KSR2: variants seen among roughly 807,000 people sequenced by gnomAD.
KSR2 encodes the protein kinase suppressor of ras 2.
Under a neutral mutation model 107.8 loss-of-function variants are expected in KSR2, and 25 were observed. That is an observed-to-expected ratio of 0.23 (90% CI 0.17 to 0.32). The LOEUF (loss-of-function observed/expected upper bound fraction) is 0.32. Ranked by LOEUF, KSR2 falls within the 10% of genes least tolerant of loss-of-function variation. The probability of loss-of-function intolerance (pLI) is 1.00; values close to 1 mark genes in which losing one functional copy is unlikely to be tolerated. For synonymous variants in KSR2, 480 were observed against 507.0 expected (o/e 0.95, Z 0.71); for missense variants, 887 against 1,268.9 (o/e 0.70, Z 4.57).
In KSR2 at chr12:117,930,869, G is replaced by T. The variant is rs1895676099; in HGVS notation, c.180+37207C>A. On this transcript the variant is annotated intron_variant, in intron 1 of 19. Transcript: ENST00000339824. Reference sequence around the variant, plus strand: ...GTGGAGGTTGCAGTGAGCCAAGATTGCACCACCGCACTCCAGCCTGGGCAA... The same window carrying T: ...GTGGAGGTTGCAGTGAGCCAAGATTTCACCACCGCACTCCAGCCTGGGCAA... 1.3e-5 allele frequency among the ~76,000 whole-genome samples: 2 copies of T among 152,090 alleles called. 1 individual carries two copies. Among genetic ancestry groups the T allele is most frequent in the African/African-American group, 4.8e-5 (2 of 41,428 alleles).
chr12:117,607,881 A>C (rs1010877866), intron 5 of KSR2, among the ~76,000 whole-genome samples: 6 of 152,198 alleles, frequency 3.9e-5, no homozygotes, highest in African/African-American at 9.6e-5. Context: ...GTCAGGGTAC[A>C]GAAGAGGCTT....
chr12:117,854,032 G>C (rs533446559), intron 3 of KSR2, among the ~76,000 whole-genome samples: 61 of 152,056 alleles, frequency 4.0e-4, no homozygotes, highest in African/African-American at 1.4e-3. Flanking sequence ...ACAGGATCTT[G>C]CTCTGTCACC....
intron 4 of KSR2, among the ~76,000 whole-genome samples, chr12:117,745,630 G>T (rs749588208): frequency 2.6e-5 from 4 of 152,142 alleles, no homozygotes; most frequent in Non-Finnish European, 4.4e-5. Flanking sequence ...AGGAAGAGAG[G>T]ATGTTGAATT....
At chr12:117,552,675 C>T (rs1392350) in intron 9 of KSR2, among the ~76,000 whole-genome samples, 41,012 of 152,118 alleles carry the variant, frequency 0.27, 5,732 homozygotes, top group South Asian at 0.33. Context: ...GGTCAGAAAA[C>T]CTTTTCTGTA....
intron 1 of KSR2, among the ~76,000 whole-genome samples, chr12:117,901,681 G>A (rs1273750603): frequency 1.3e-5 from 2 of 152,076 alleles, no homozygotes; most frequent in African/African-American, 2.4e-5. Context: ...TTTTTTAAAC[G>A]TGGAGTGTGG....
intron 16 of KSR2, among the ~76,000 whole-genome samples, chr12:117,479,387 C>A (rs1310110815): frequency 6.6e-6 from 1 of 152,206 alleles, no homozygotes; most frequent in Non-Finnish European, 1.5e-5. Context: ...CAGGCAGACA[C>A]CATTAAATTT....
At chr12:117,954,270 C>T (rs1373657965) in intron 1 of KSR2, among the ~76,000 whole-genome samples, 1 of 152,172 alleles carries the variant, frequency 6.6e-6, no homozygotes, top group Non-Finnish European at 1.5e-5. Context: ...ATATGCTTTT[C>T]AGATGCTCAG....
chr12:117,717,943 A>G (rs1168118398), intron 4 of KSR2, among the ~76,000 whole-genome samples: 1 of 152,164 alleles, frequency 6.6e-6, no homozygotes, highest in Admixed American at 6.5e-5. Flanking sequence ...GCTGGCCATA[A>G]TGAGAAAGCA....
intron 3 of KSR2, among the ~76,000 whole-genome samples, chr12:117,813,986 A>G (rs1891287911): frequency 6.6e-6 from 1 of 152,240 alleles, no homozygotes; most frequent in South Asian, 2.1e-4. Flanking sequence ...ACATGGTATA[A>G]CTGGAGGACA....
chr12:117,950,707 T>C (rs1031075818), intron 1 of KSR2, among the ~76,000 whole-genome samples: 1 of 146,644 alleles, frequency 6.8e-6, no homozygotes, highest in Admixed American at 7.0e-5. Context: ...CACCACTGCA[T>C]CCTAGCCTGG....
At chr12:117,796,013 A>G (rs913695070) in intron 3 of KSR2, among the ~76,000 whole-genome samples, 1 of 152,210 alleles carries the variant, frequency 6.6e-6, no homozygotes, top group African/African-American at 2.4e-5. Flanking sequence ...TGCAGCCTTA[A>G]CCATCTGGGC....
intron 4 of KSR2, among the ~76,000 whole-genome samples, chr12:117,682,373 T>C (rs1228554766): frequency 6.6e-6 from 1 of 152,126 alleles, no homozygotes; most frequent in Admixed American, 6.5e-5. Context: ...GGCACACATT[T>C]ACCTATGTGA....
chr12:117,578,409 C>A (rs1360404468), intron 7 of KSR2, among the ~76,000 whole-genome samples: 1 of 152,004 alleles, frequency 6.6e-6, no homozygotes. Context: ...GCCTGGCCAA[C>A]ATGGTAAATC....
intron 14 of KSR2, among the ~76,000 whole-genome samples, chr12:117,509,259 C>T (rs534806711): frequency 2.0e-5 from 3 of 152,066 alleles, no homozygotes; most frequent in Non-Finnish European, 4.4e-5. Context: ...ATTCTTGGCC[C>T]CCTCCTCCTT....
At chr12:117,499,517 A>C (rs1202217984) in intron 14 of KSR2, among the ~76,000 whole-genome samples, 1 of 152,228 alleles carries the variant, frequency 6.6e-6, no homozygotes, top group Non-Finnish European at 1.5e-5. Context: ...AACTGAAATG[A>C]GAAAGTGGAG....
At chr12:117,746,650 A>G (rs1888416063) in intron 4 of KSR2, among the ~76,000 whole-genome samples, 1 of 152,204 alleles carries the variant, frequency 6.6e-6, no homozygotes, top group Non-Finnish European at 1.5e-5. Flanking sequence ...CAGGCAAGCT[A>G]CAGAATGGGA....
At chr12:117,791,717 T>C (rs1254690271) in intron 3 of KSR2, among the ~76,000 whole-genome samples, 1 of 152,098 alleles carries the variant, frequency 6.6e-6, no homozygotes, top group Non-Finnish European at 1.5e-5. Flanking sequence ...GAATGGGACA[T>C]GGTGATGAGT....
Position 117,575,395 on chromosome 12 carries a change from A to G in KSR2, c.1325+3724T>C, listed in dbSNP as rs73407304. ...CTCTTTATGTGTACACTTTCATTTTATTGACATTCAGTTTCCATAGGTGTG... is the reference window on the plus strand; with the variant it reads ...CTCTTTATGTGTACACTTTCATTTTGTTGACATTCAGTTTCCATAGGTGTG... On this transcript the variant is annotated intron_variant, in intron 7 of 19. Coordinates refer to ENST00000339824, the MANE Select transcript of KSR2 (RefSeq NM_173598.6). Among the ~76,000 whole-genome samples the G allele has an allele frequency of 8.3e-3, 1,269 of 152,248 alleles. 19 individuals carry two copies. The highest frequency in any genetic ancestry group is 0.029 in the African/African-American group (1,206 of 41,534).
At chr12:117,637,977 T>A (rs1043450169) in intron 5 of KSR2, among the ~76,000 whole-genome samples, 2 of 152,094 alleles carry the variant, frequency 1.3e-5, no homozygotes, top group African/African-American at 4.8e-5. Flanking sequence ...AACAGAGGAA[T>A]GCTTACATTA....
Sources: gnomAD v4.1 joint callset for allele counts (sites outside exome capture counted in the v4.1 genomes callset) on GRCh38, gnomAD v4.1.1 for gene constraint, MANE v1.5 for transcripts, NCBI Gene and HGNC (gene_info 2026-07-23, HGNC 2026-07-21) for gene names.